Variants in CAMK1D observed in about 807,000 individuals in gnomAD.
CAMK1D encodes the protein calcium/calmodulin dependent protein kinase ID.
A neutral mutation model predicts 47.7 loss-of-function variants in CAMK1D; 9 were observed. The ratio of observed to expected loss-of-function variants is 0.19; its 90% CI spans 0.11 to 0.33. The LOEUF (loss-of-function observed/expected upper bound fraction) is 0.33, where lower values mean the gene tolerates loss of function less well. CAMK1D is among the 10% of genes least tolerant of loss of function. The probability of loss-of-function intolerance (pLI) is 1.00; values close to 1 mark genes in which losing one functional copy is unlikely to be tolerated. For synonymous variants in CAMK1D, 184 were observed against 184.9 expected, an observed-to-expected ratio of 0.99 and a Z score of 0.04; for missense variants, 291 against 488.7, an observed-to-expected ratio of 0.60 and a Z score of 3.81.
chr10:12,564,332 G>A (rs1287677848), intron 2 of CAMK1D, among the ~76,000 whole-genome samples: 1 of 151,766 alleles, frequency 6.6e-6, no homozygotes, highest in Non-Finnish European at 1.5e-5. Flanking sequence ...TTTCTGTTAA[G>A]CTTTATGTTG....
intron 1 of CAMK1D, among the ~76,000 whole-genome samples, chr10:12,457,510 G>A (rs1055260259): frequency 2.0e-5 from 3 of 151,956 alleles, no homozygotes; most frequent in African/African-American, 7.2e-5. Context: ...CTGGGCGGCC[G>A]GGCGCAGTGG....
rs575722882 is a variant in CAMK1D at position 12,820,892 on chromosome 10, A to C, written c.834-3573A>C. ...GGGAATGGCCAGGGCCAGGATGGGA[A>C]CCCAGGCCCTGTTACAGGGCAGCCC... On this transcript the variant is annotated intron_variant, in intron 8 of 10. Coordinates refer to ENST00000619168, the MANE Select transcript of CAMK1D (RefSeq NM_153498.4). 1.6e-3 allele frequency among the ~76,000 whole-genome samples: 248 copies of C among 152,190 alleles called. 1 individual carries two copies. The highest frequency in any genetic ancestry group is 1.5e-3 in the Non-Finnish European group (100 of 67,974).
chr10:12,810,905 G>T (rs1271089945), intron 6 of CAMK1D, among the ~76,000 whole-genome samples: 5 of 152,274 alleles, frequency 3.3e-5, no homozygotes, highest in African/African-American at 9.6e-5. Context: ...GGAACCACAA[G>T]GAATAGCACC....
chr10:12,660,431 G>T lies in CAMK1D; in HGVS notation c.225-6305G>T, dbSNP rs556751067. Among the ~76,000 whole-genome samples the T allele has an allele frequency of 2.6e-5, 4 of 152,104 alleles. No individual in the cohort carries two copies. In the South Asian group the frequency reaches 8.3e-4, roughly 32 times the overall value. On this transcript the variant is annotated intron_variant, in intron 2 of 10. Transcript: ENST00000619168. ...CCTGATGTTCCCTTACAAAGCTTGG[G>T]GGCTTTGTAACGGGGCCTGTTTGTA...
At chr10:12,725,632 G>C (rs766043729) in intron 3 of CAMK1D, among the ~76,000 whole-genome samples, 3 of 152,118 alleles carry the variant, frequency 2.0e-5, no homozygotes, top group Non-Finnish European at 4.4e-5. Context: ...CTCTCATTTC[G>C]GCATCTTGCA....
intron 3 of CAMK1D, among the ~76,000 whole-genome samples, chr10:12,668,602 T>C (rs1057205459): frequency 6.6e-6 from 1 of 152,198 alleles, no homozygotes. Flanking sequence ...GGAAGTAATC[T>C]CACAATATTA....
chr10:12,733,012 AT>A (rs1013954982), intron 3 of CAMK1D, among the ~76,000 whole-genome samples: 27 of 152,200 alleles, frequency 1.8e-4, no homozygotes, highest in African/African-American at 6.3e-4. Context: ...GTACAAAAAA[AT>A]GTTAAGCATG....
chr10:12,373,592 A>G lies in CAMK1D; in HGVS notation c.92+23682A>G, dbSNP rs189398979. ...GGTTGCAGTGAGCCGAGATCGTGCC[A>G]CTGTACTCCAGCCCGGGTGACAGAG... On this transcript the variant is annotated intron_variant, in intron 1 of 10. Transcript: ENST00000619168. 3.6e-3 allele frequency among the ~76,000 whole-genome samples: 555 copies of G among 152,116 alleles called. 6 individuals carry two copies. The East Asian group carries it at 0.037, about 10-fold the overall frequency.
rs147191309 is a variant in CAMK1D, at chr10:12,712,724, G to A, written c.299+45914G>A. Among the ~76,000 whole-genome samples the A allele has an allele frequency of 8.1e-3, 1,240 of 152,300 alleles. 4 individuals carry two copies. Among genetic ancestry groups the A allele is most frequent in the Non-Finnish European group, 0.014 (976 of 68,028 alleles). ...ATCATACTGGGGGTTAGGGTTTCGT[G>A]TGTATTTAGGGGTAGGGGAGACTAA... On this transcript the variant is annotated intron_variant, in intron 3 of 10. Transcript: ENST00000619168.
chr10:12,691,349 CTATATATATATATATATATATATATA>C (rs1202030191), intron 3 of CAMK1D, among the ~76,000 whole-genome samples: 1 of 74,524 alleles, frequency 1.3e-5, no homozygotes, highest in Non-Finnish European at 2.3e-5. Flanking sequence ...CTGAAGTTTT[CTATATATATATATATATATATATATA>C]TAAATATATA....
At chr10:12,431,397 G>T (rs752039582) in intron 1 of CAMK1D, among the ~76,000 whole-genome samples, 3 of 152,196 alleles carry the variant, frequency 2.0e-5, no homozygotes, top group African/African-American at 2.4e-5. Flanking sequence ...GTCTGGGTGA[G>T]CTGGAGGCTG....
chr10:12,498,936 AT>A (rs1167127898), intron 1 of CAMK1D, among the ~76,000 whole-genome samples: 2 of 152,148 alleles, frequency 1.3e-5, no homozygotes, highest in Non-Finnish European at 2.9e-5. Context: ...ATGTCATCTA[AT>A]TAAGGATTTC....
intron 6 of CAMK1D, among the ~76,000 whole-genome samples, chr10:12,792,496 A>G (rs1838018444): frequency 6.6e-6 from 1 of 152,200 alleles, no homozygotes; most frequent in Non-Finnish European, 1.5e-5. Flanking sequence ...CCCCCTGCAC[A>G]CAATAAAAGA....
intron 1 of CAMK1D, among the ~76,000 whole-genome samples, chr10:12,439,875 G>A (rs557885025): frequency 6.6e-6 from 1 of 152,288 alleles, no homozygotes; most frequent in South Asian, 2.1e-4. Context: ...ATGGTGGAAG[G>A]CAAAAGGCAC....
At chr10:12,752,067 C>T (rs1055452871) in intron 3 of CAMK1D, among the ~76,000 whole-genome samples, 4 of 151,944 alleles carry the variant, frequency 2.6e-5, no homozygotes, top group East Asian at 1.9e-4. Flanking sequence ...CCACAGTGGC[C>T]GCCTCCCAGG....
chr10:12,739,025 C>T (rs899401762), intron 3 of CAMK1D, among the ~76,000 whole-genome samples: 3 of 151,936 alleles, frequency 2.0e-5, no homozygotes, highest in Non-Finnish European at 2.9e-5. Context: ...TCGCTTGAGC[C>T]GAGAAGTTTG....
chr10:12,403,174 C>T (rs943738317), intron 1 of CAMK1D, among the ~76,000 whole-genome samples: 3 of 152,212 alleles, frequency 2.0e-5, no homozygotes, highest in African/African-American at 7.2e-5. Flanking sequence ...GATCTGAGGA[C>T]CACGTTGGAC....
At chr10:12,498,171 A>G (rs1224286457) in intron 1 of CAMK1D, among the ~76,000 whole-genome samples, 1 of 152,224 alleles carries the variant, frequency 6.6e-6, no homozygotes, top group Non-Finnish European at 1.5e-5. Flanking sequence ...GTGGGGACAC[A>G]GCCAAACCAT....
chr10:12,538,815 C>T (rs1836065574), intron 1 of CAMK1D, among the ~76,000 whole-genome samples: 1 of 142,072 alleles, frequency 7.0e-6, no homozygotes. Context: ...TCCCTCGCAG[C>T]TTTTATCTGA....
Sources: gnomAD v4.1 joint callset for allele counts (sites outside exome capture counted in the v4.1 genomes callset) on GRCh38, gnomAD v4.1.1 for gene constraint, MANE v1.5 for transcripts, NCBI Gene and HGNC (gene_info 2026-07-23, HGNC 2026-07-21) for gene names.